Variants in ULK1 observed in about 807,000 individuals in gnomAD.
ULK1 encodes the protein serine/threonine-protein kinase ULK1.
Under a neutral mutation model 117.5 loss-of-function variants are expected in ULK1, and 48 were observed. The observed-to-expected ratio is 0.41, with a 90% confidence interval of 0.32 to 0.52. ULK1 has a LOEUF of 0.52. Among genes scored for constraint, ULK1 ranks in the 20% least tolerant of loss-of-function variants. The pLI, the probability that ULK1 is intolerant of heterozygous loss-of-function variation, is 0.29. For synonymous variants in ULK1, 790 were observed against 637.8 expected, an observed-to-expected ratio of 1.24 and a Z score of -3.60; for missense variants, 1,387 against 1,473.4, an observed-to-expected ratio of 0.94 and a Z score of 0.96.
In ULK1 at chr12:131,902,008, G is replaced by A. The variant is rs1889109481; in HGVS notation, c.247-4884G>A. On this transcript the variant is annotated intron_variant, in intron 3 of 27. Transcript: ENST00000321867. The surrounding 1 kb of genome is among the most constrained non-coding windows in gnomAD (Gnocchi z 6.3). Reference sequence around the variant, plus strand: ...CTAGGGACCTGCCTCAACCCCCTGCGGCTGGCTCCCGGATTGTCCAGACCC... The same window carrying A: ...CTAGGGACCTGCCTCAACCCCCTGCAGCTGGCTCCCGGATTGTCCAGACCC... Among the ~76,000 whole-genome samples the A allele has an allele frequency of 4.6e-5, 7 of 152,232 alleles. 1 individual carries two copies. The highest frequency in any genetic ancestry group is 3.3e-4 in the Admixed American group (5 of 15,294).
In ULK1 at chr12:131,921,387, G is replaced by A. The variant is rs764101240; in HGVS notation, c.*26G>A. 1.9e-5 allele frequency: 31 copies of A among 1,600,488 alleles called. No individual in the cohort carries two copies. Among genetic ancestry groups the A allele is most frequent in the Admixed American group, 1.7e-4 (10 of 59,998 alleles). ...CCTTTCTGGCCTGGCTGGGCCCCCC[G>A]TCCTGCCGAGCCCTGCAGAGTGGGC... On this transcript the variant is annotated 3_prime_UTR_variant, in exon 28 of 28. Coordinates refer to ENST00000321867, the MANE Select transcript of ULK1 (RefSeq NM_003565.4).
rs201274960 is a variant in ULK1, at chr12:131,910,020, C to T, written c.808+19C>T. The stretch of plus-strand genomic sequence containing the variant: ...GACTTCGGTGAGCACCCACCAGGGG[C>T]GCAGCTGGAGTCCCCCACCCTCCTT... On this transcript the variant is annotated intron_variant, in intron 10 of 27. Transcript: ENST00000321867. The T allele has an allele frequency of 8.8e-5, 142 of 1,610,104 alleles. No homozygotes were observed. The highest frequency in any genetic ancestry group is 2.7e-4 in the South Asian group (25 of 90,940).
intron 3 of ULK1, among the ~76,000 whole-genome samples, chr12:131,896,120 C>T (rs1464966532): frequency 6.6e-6 from 1 of 152,182 alleles, no homozygotes; most frequent in East Asian, 1.9e-4. Context: ...TGCCTGAGTC[C>T]GGCGTCCCCG....
chr12:131,911,781 C>G (rs1425043593), intron 12 of ULK1, among the ~76,000 whole-genome samples, 161 bp from the exon 13 acceptor site: 1 of 152,180 alleles, frequency 6.6e-6, no homozygotes, highest in Non-Finnish European at 1.5e-5. Flanking sequence ...TCTGGAAGTA[C>G]AGAGAAGAGC....
Position 131,918,544 on chromosome 12 carries a change from G to C in ULK1, c.2374G>C (p.Gly792Arg), listed in dbSNP as rs367722967. ...CTCTTCTGCCCGCCACCTGGTGCCT[G>C]GGCCCTGCAGCGAGGCCCCAGCCCC... ...ASSSARHLVPGPCSEAPAPEL... is the reference protein window; with the variant it reads ...ASSSARHLVPRPCSEAPAPEL... Residue 792 changes from glycine to arginine, a missense_variant, in exon 23 of 28, where the codon GGG (glycine) becomes CGG (arginine). Transcript: ENST00000321867. 10 of 1,610,862 alleles carry C rather than the reference G, an allele frequency of 6.2e-6. No homozygotes were observed. The highest frequency in any genetic ancestry group is 8.5e-6 in the Non-Finnish European group (10 of 1,179,218).
chr12:131,900,734 G>A (rs1202587290), intron 3 of ULK1, among the ~76,000 whole-genome samples: 3 of 152,264 alleles, frequency 2.0e-5, no homozygotes, highest in African/African-American at 2.4e-5. Context: ...AGACAGAGCC[G>A]CTGCCTGTGA....
chr12:131,897,743 GAAAAAA>G (rs894069771), intron 3 of ULK1: 1 of 146,776 alleles, frequency 6.8e-6, no homozygotes, highest in Non-Finnish European at 1.5e-5. Flanking sequence ...CTAAAAAAAA[GAAAAAA>G]AAAGAAAAAA....
At chr12:131,910,872 C>T (rs543394579) in intron 12 of ULK1, 72 bp downstream of exon 12, 34 of 1,592,922 alleles carry the variant, frequency 2.1e-5, no homozygotes, top group African/African-American at 1.9e-4. Flanking sequence ...CCCTGGGCCC[C>T]CGCGGGGACG....
chr12:131,906,909 C>T lies in ULK1; in HGVS notation c.264C>T (p.Val88=), dbSNP rs771208335. Residue 88 remains valine (V), a synonymous_variant, in exon 4 of 28, where the codon GTC becomes GTT. Transcript: ENST00000321867. ...LYDFQEMANS[V]YLVMEYCNGG... ...TCTTGCAGGAAATGGCTAATTCTGT[C>T]TACCTGGTTATGGAGGTGAGTGCCT... 2.5e-5 allele frequency: 40 copies of T among 1,614,000 alleles called. 1 individual carries two copies. The highest frequency in any genetic ancestry group is 1.6e-4 in the Middle Eastern group (1 of 6,084).
Position 131,917,075 on chromosome 12 carries a change from G to T in ULK1, c.2182+13G>T. ...CCCATGGAGATCGGTGTGTGGGTGG[G>T]TGGGGCTCGGAGGCTGTGGGATGGG... On this transcript the variant is annotated intron_variant, in intron 21 of 27. Coordinates refer to ENST00000321867, the MANE Select transcript of ULK1 (RefSeq NM_003565.4). The T allele has an allele frequency of 7.7e-7, 1 of 1,292,456 alleles. No individual in the cohort carries two copies. The allele number at this position is 1,292,456 out of a possible 1,614,324, so 80.1% of individuals were successfully genotyped here. A position where few individuals can be genotyped will look rare whatever the true frequency, so the allele number is the denominator to read the frequency against.
intron 3 of ULK1, among the ~76,000 whole-genome samples, chr12:131,904,373 C>T (rs1342823705): frequency 6.6e-6 from 1 of 152,182 alleles, no homozygotes; most frequent in Non-Finnish European, 1.5e-5. Context: ...GTCTCAAACT[C>T]CTGGGCTCAG....
In ULK1 at chr12:131,911,421, G is replaced by A. The variant is rs574897240; in HGVS notation, c.949-521G>A. The stretch of plus-strand genomic sequence containing the variant: ...GATGTGGCGAGGGGAGCGTGGCAGC[G>A]CCCTGCTGTAGGGAGCTGTGGCATC... On this transcript the variant is annotated intron_variant, in intron 12 of 27. Coordinates refer to ENST00000321867, the MANE Select transcript of ULK1 (RefSeq NM_003565.4). 7.2e-5 allele frequency among the ~76,000 whole-genome samples: 11 copies of A among 152,306 alleles called. No homozygotes were observed. The East Asian group carries it at 1.2e-3, about 16-fold the overall frequency.
At chr12:131,897,615 C>T (rs1480202439) in intron 3 of ULK1, 1 of 152,210 alleles carries the variant, frequency 6.6e-6, no homozygotes. Flanking sequence ...TCTGTGCTGG[C>T]TCAATCCATA....
chr12:131,914,534 C>T, intron 16 of ULK1, 57 bp downstream of exon 16: 1 of 1,570,374 alleles, frequency 6.4e-7, no homozygotes, highest in Non-Finnish European at 8.7e-7. Context: ...TGGCAGGAGC[C>T]CTTCCACGGC....
intron 3 of ULK1, among the ~76,000 whole-genome samples, chr12:131,899,069 A>C (rs986798638): frequency 2.7e-5 from 4 of 148,982 alleles, no homozygotes; most frequent in African/African-American, 1.0e-4. Context: ...AAATTTATAC[A>C]ATTTTCGCCA....
At chr12:131,913,391 CAAA>C (rs1214465524) in intron 14 of ULK1, 133 bp downstream of exon 14, 102 of 697,264 alleles carry the variant, frequency 1.5e-4, no homozygotes, top group South Asian at 3.6e-4. Flanking sequence ...GACTCTGTCT[CAAA>C]AAAAAAAAAA....
chr12:131,917,687 A>C, intron 22 of ULK1, 133 bp downstream of exon 22: 32 of 943,898 alleles, frequency 3.4e-5, no homozygotes, highest in Non-Finnish European at 4.2e-5. Flanking sequence ...GAAGCAGCTC[A>C]GGCCCCTGAG....
rs767615596 is a variant in ULK1, at chr12:131,919,346, G to T, written c.2646G>T (p.Val882=). Residue 882 remains valine, a synonymous_variant, in exon 24 of 28, where the codon GTG becomes GTT. Transcript: ENST00000321867. ...CTGAGTACCAGCTGCAGGAGAGTGTGGTGGCCGACCAGATCAGCCTGCTGA... is the reference window on the plus strand; with the variant it reads ...CTGAGTACCAGCTGCAGGAGAGTGTTGTGGCCGACCAGATCAGCCTGCTGA... ...GGPEYQLQES[V]VADQISLLSR... 1 of 1,572,922 alleles carries T rather than the reference G, an allele frequency of 6.4e-7. No homozygotes were observed. Among genetic ancestry groups the T allele is most frequent in the Non-Finnish European group, 8.6e-7 (1 of 1,160,018 alleles).
chr12:131,908,290 C>T (rs575865620), intron 5 of ULK1, among the ~76,000 whole-genome samples: 50 of 152,214 alleles, frequency 3.3e-4, no homozygotes, highest in African/African-American at 1.1e-3. Flanking sequence ...CGGGTCGGGT[C>T]GGGCTGTGCG....
Sources: allele counts gnomAD v4.1 joint callset (sites outside exome capture counted in the v4.1 genomes callset), GRCh38; gene constraint gnomAD v4.1.1; non-coding constraint Gnocchi (gnomAD v3.1); transcripts MANE v1.5; gene names NCBI Gene and HGNC (gene_info 2026-07-23, HGNC 2026-07-21).